The following RALYL variants were observed in gnomAD, a reference collection of about 807,000 sequenced individuals.
RALYL encodes the protein RNA-binding Raly-like protein.
Under a neutral mutation model 35.1 loss-of-function variants are expected in RALYL, and 29 were observed. The observed-to-expected ratio is 0.83, with a 90% CI of 0.61 to 1.13. RALYL has a LOEUF of 1.13. Ranked by LOEUF, RALYL falls within the 50% of genes most tolerant of loss-of-function variation. The probability of loss-of-function intolerance (pLI) is 0.00; values close to 1 mark genes in which losing one functional copy is unlikely to be tolerated. For missense variants in RALYL, 359 were observed against 360.4 expected, an observed-to-expected ratio of 1.00 and a Z score of 0.03; for synonymous variants, 120 against 127.6, an observed-to-expected ratio of 0.94 and a Z score of 0.40.
chr8:84,789,039 GC>G (rs1586269782), intron 3 of RALYL, among the ~76,000 whole-genome samples: 1 of 152,134 alleles, frequency 6.6e-6, no homozygotes, highest in African/African-American at 2.4e-5. Context: ...AAAGGACATA[GC>G]GTGTGTGAGC....
At chr8:84,697,023 A>G (rs142471059) in intron 2 of RALYL, among the ~76,000 whole-genome samples, 3 of 152,132 alleles carry the variant, frequency 2.0e-5, no homozygotes, top group African/African-American at 7.2e-5. Context: ...TAGCTCATCA[A>G]TGTAGTGTAA....
intron 6 of RALYL, 67 bp downstream of exon 6, chr8:84,862,520 C>T (rs1366460703): frequency 1.6e-6 from 2 of 1,230,272 alleles, no homozygotes; most frequent in Admixed American, 6.5e-5. Context: ...TGCACGAATG[C>T]CTATATTCAA....
chr8:84,500,246 A>G (rs1031613117), intron 1 of RALYL, among the ~76,000 whole-genome samples: 1 of 152,052 alleles, frequency 6.6e-6, no homozygotes, highest in East Asian at 1.9e-4. Flanking sequence ...TTATTTTGCA[A>G]CCTTTTTCTG....
At chr8:84,701,678 A>G (rs1027036253) in intron 2 of RALYL, among the ~76,000 whole-genome samples, 2 of 152,150 alleles carry the variant, frequency 1.3e-5, no homozygotes, top group African/African-American at 2.4e-5. Flanking sequence ...CTCCAGTAAG[A>G]CAGGGTACTC....
At chr8:84,324,273 C>T (rs1845398857) in intron 1 of RALYL, among the ~76,000 whole-genome samples, 1 of 151,938 alleles carries the variant, frequency 6.6e-6, no homozygotes, top group South Asian at 2.1e-4. Flanking sequence ...ATTCCACATA[C>T]AGTTAATTTC....
At chr8:84,639,969 C>T (rs1362228451) in intron 2 of RALYL, among the ~76,000 whole-genome samples, 1 of 151,946 alleles carries the variant, frequency 6.6e-6, no homozygotes, top group African/African-American at 2.4e-5. Context: ...GTCCAAAACA[C>T]AAATAGTTTG....
At chr8:84,630,374 G>A (rs1823657482) in intron 2 of RALYL, among the ~76,000 whole-genome samples, 1 of 151,848 alleles carries the variant, frequency 6.6e-6, no homozygotes, top group Non-Finnish European at 1.5e-5. Context: ...AGCCAGGGAG[G>A]CCACCAAACT....
chr8:84,886,916 T>C (rs1236316815), intron 7 of RALYL, among the ~76,000 whole-genome samples: 3 of 152,152 alleles, frequency 2.0e-5, no homozygotes, highest in Non-Finnish European at 4.4e-5. Context: ...CTGAGACACA[T>C]GGAGGGTTAA....
intron 4 of RALYL, among the ~76,000 whole-genome samples, chr8:84,816,743 T>G (rs571455709): frequency 6.6e-6 from 1 of 152,240 alleles, no homozygotes; most frequent in African/African-American, 2.4e-5. Context: ...TTGTACATCT[T>G]AAGTAACTAT....
intron 4 of RALYL, among the ~76,000 whole-genome samples, chr8:84,845,403 G>T (rs1481353812): frequency 6.6e-6 from 1 of 152,070 alleles, no homozygotes; most frequent in East Asian, 1.9e-4. Context: ...TTGTGGTTTT[G>T]ATTTGCATTT....
intron 1 of RALYL, among the ~76,000 whole-genome samples, chr8:84,270,594 A>G (rs1294958733): frequency 7.0e-6 from 1 of 141,892 alleles, no homozygotes; most frequent in Non-Finnish European, 1.6e-5. Flanking sequence ...ATGTATGTAT[A>G]ATTTTCACAT....
In RALYL at chr8:84,281,512, GGCACTGTTCATTCACCTGACTC is replaced by G. The variant is rs530904455; in HGVS notation, c.-24+97089_-24+97110del. On this transcript the variant is annotated intron_variant, in intron 1 of 8. Coordinates refer to ENST00000521268, the MANE Select transcript of RALYL (RefSeq NM_173848.7). ...ACAGAGTGTCCTCTCTTGAGCATAT[GGCACTGTTCATTCACCTGACTC>G]TTGCCCTACCCTCCTTTCCAGAATT... 7.7e-3 allele frequency among the ~76,000 whole-genome samples: 1,177 copies of G among 152,170 alleles called. 19 individuals carry two copies. The highest frequency in any genetic ancestry group is 0.027 in the African/African-American group (1,132 of 41,518).
chr8:84,803,423 C>T (rs1823834061), intron 3 of RALYL, among the ~76,000 whole-genome samples: 1 of 152,118 alleles, frequency 6.6e-6, no homozygotes, highest in Admixed American at 6.5e-5. Flanking sequence ...CTTTTCCCTC[C>T]CTAGTTCTGT....
chr8:84,763,601 G>A (rs1813194321), intron 2 of RALYL, among the ~76,000 whole-genome samples: 1 of 152,062 alleles, frequency 6.6e-6, no homozygotes, highest in Non-Finnish European at 1.5e-5. Context: ...CACTTGTCTG[G>A]ATTTTCTTCT....
chr8:84,602,449 AG>A, intron 2 of RALYL, among the ~76,000 whole-genome samples: 3 of 152,226 alleles, frequency 2.0e-5, no homozygotes, highest in Admixed American at 2.0e-4. Context: ...GAATTACTGC[AG>A]TCAGACCCTT....
chr8:84,788,903 ATG>A (rs1368979873), intron 3 of RALYL, among the ~76,000 whole-genome samples: 1 of 152,208 alleles, frequency 6.6e-6, no homozygotes, highest in East Asian at 1.9e-4. Context: ...GCAATCAGGA[ATG>A]TGTGCTAAAG....
At chr8:84,415,507 G>A (rs139161212) in intron 1 of RALYL, among the ~76,000 whole-genome samples, 12 of 151,286 alleles carry the variant, frequency 7.9e-5, no homozygotes, top group African/African-American at 2.7e-4. Context: ...CAAAGTGCTG[G>A]TATTACAGGC....
At chr8:84,644,885 G>A (rs756926439) in intron 2 of RALYL, among the ~76,000 whole-genome samples, 45 of 151,804 alleles carry the variant, frequency 3.0e-4, no homozygotes, top group Non-Finnish European at 5.2e-4. Flanking sequence ...CTGAGTAGCT[G>A]GGATTACGGG....
chr8:84,215,340 A>C (rs1820547483), intron 1 of RALYL, among the ~76,000 whole-genome samples: 1 of 152,134 alleles, frequency 6.6e-6, no homozygotes, highest in Non-Finnish European at 1.5e-5. Context: ...ATTTTATTGA[A>C]ATGGCCATCA....
Sources: allele counts gnomAD v4.1 joint callset (sites outside exome capture counted in the v4.1 genomes callset), GRCh38; gene constraint gnomAD v4.1.1; transcripts MANE v1.5; gene names NCBI Gene and HGNC (gene_info 2026-07-23, HGNC 2026-07-21).